EML1: variants seen among roughly 807,000 people sequenced by gnomAD.
EML1 encodes echinoderm microtubule-associated protein-like 1.
In EML1, 27 loss-of-function variants were observed where a neutral mutation model predicts 110.4. That is an observed-to-expected ratio of 0.24 (90% CI 0.18 to 0.34). The LOEUF (loss-of-function observed/expected upper bound fraction) is 0.34. EML1 is among the 10% of genes least tolerant of loss of function. EML1 has a pLI of 1.00. For synonymous variants in EML1, 344 were observed against 385.8 expected, an observed-to-expected ratio of 0.89 and a Z score of 1.27; for missense variants, 741 against 1,030.9, an observed-to-expected ratio of 0.72 and a Z score of 3.85.
chr14:99,887,738 C>T (rs2059506029), intron 4 of EML1, among the ~76,000 whole-genome samples: 1 of 152,162 alleles, frequency 6.6e-6, no homozygotes, highest in South Asian at 2.1e-4. Context: ...TCTGAAGGAC[C>T]CACTCTCAAT....
At chr14:99,880,604 C>T (rs983264229) in intron 4 of EML1, among the ~76,000 whole-genome samples, 2 of 152,172 alleles carry the variant, frequency 1.3e-5, no homozygotes, top group South Asian at 2.1e-4. Context: ...TCGTCCCCAT[C>T]GCTCACTCGA....
chr14:99,807,519 C>T lies in EML1; in HGVS notation c.67+13976C>T, dbSNP rs182117773. Among the ~76,000 whole-genome samples, 371 of 152,218 alleles carry T rather than the reference C, an allele frequency of 2.4e-3. 4 individuals carry two copies. The highest frequency in any genetic ancestry group is 0.018 in the Admixed American group (268 of 15,300). On this transcript the variant is annotated intron_variant, in intron 1 of 21. Coordinates refer to ENST00000262233, the MANE Select transcript of EML1 (RefSeq NM_004434.3). ...GCTGGGGTAGTGGCCAGGACTGGTA[C>T]AGCAGGCACAGTCCCACCCTAGGCC...
At chr14:99,870,931 T>A (rs1328082120) in intron 3 of EML1, among the ~76,000 whole-genome samples, 1 of 152,196 alleles carries the variant, frequency 6.6e-6, no homozygotes, top group Non-Finnish European at 1.5e-5. Context: ...AGGAGTAATT[T>A]CAACTGTCAA....
At chr14:99,796,490 CTTT>C (rs60618425) in intron 1 of EML1, among the ~76,000 whole-genome samples, 4 of 136,900 alleles carry the variant, frequency 2.9e-5, no homozygotes, top group South Asian at 4.7e-4. Flanking sequence ...AAATCACAAG[CTTT>C]TTTTTTTTTT....
At chr14:99,763,193 C>T (rs2057332842) in intron 1 of EML1, among the ~76,000 whole-genome samples, 1 of 152,214 alleles carries the variant, frequency 6.6e-6, no homozygotes. Context: ...GAGGCCTCCC[C>T]AGCCACATGG....
At chr14:99,893,360 G>A (rs1322253746) in intron 5 of EML1, among the ~76,000 whole-genome samples, 1 of 152,148 alleles carries the variant, frequency 6.6e-6, no homozygotes, top group African/African-American at 2.4e-5. Flanking sequence ...GTGCACCTGG[G>A]GAAGTTGGCA....
intron 2 of EML1, among the ~76,000 whole-genome samples, chr14:99,855,425 G>A (rs529340268): frequency 6.6e-6 from 1 of 152,264 alleles, no homozygotes; most frequent in African/African-American, 2.4e-5. Flanking sequence ...GGAGGCCAGG[G>A]GTTTACTCAC....
intron 1 of EML1, among the ~76,000 whole-genome samples, chr14:99,844,475 TCAAAAAAAAAAAAAAAAAA>T (rs1483399065): frequency 6.8e-5 from 5 of 73,282 alleles, no homozygotes; most frequent in Non-Finnish European, 1.2e-4. Context: ...TGAGACTTTG[TCAAAAAAAAAAAAAAAAAA>T]TTGGCAAAAC....
chr14:99,770,438 C>T (rs575621758), upstream of EML1, among the ~76,000 whole-genome samples: 10 of 148,006 alleles, frequency 6.8e-5, no homozygotes, highest in Non-Finnish European at 1.4e-4. Context: ...GAAGAGAGAT[C>T]ATGTCTTTTT....
intron 4 of EML1, among the ~76,000 whole-genome samples, 154 bp from the exon 5 acceptor site, chr14:99,891,045 T>C (rs2059578874): frequency 6.6e-6 from 1 of 152,256 alleles, no homozygotes. Flanking sequence ...TGTTCCTTTT[T>C]GCAGTGAAAT....
intron 15 of EML1, among the ~76,000 whole-genome samples, chr14:99,915,678 G>A (rs539414683): frequency 6.6e-6 from 1 of 152,194 alleles, no homozygotes; most frequent in Non-Finnish European, 1.5e-5. Context: ...CTAAGTTAGT[G>A]AGTGACCTAG....
intron 1 of EML1, among the ~76,000 whole-genome samples, chr14:99,744,471 A>T (rs1194731363): frequency 6.6e-6 from 1 of 152,202 alleles, no homozygotes; most frequent in Non-Finnish European, 1.5e-5. Context: ...GCCAGAGGAC[A>T]GAGTGTGTCT....
chr14:99,781,498 A>G lies in EML1; in HGVS notation c.-27+7485A>G, dbSNP rs1242822786. Among the ~76,000 whole-genome samples, 3 of 151,826 alleles carry G rather than the reference A, an allele frequency of 2.0e-5. No individual in the cohort carries two copies. Among genetic ancestry groups the G allele is most frequent in the African/African-American group, 7.3e-5 (3 of 41,264 alleles). On this transcript the variant is annotated intron_variant, in intron 1 of 22. Transcript: ENST00000327921. The surrounding 1 kb of genome is among the most constrained non-coding windows in gnomAD (Gnocchi z 4.2). ...GTCTGGCGGGCCAGTTCCCCACCCC[A>G]CAGCTGGGAGGATGGCTGCCAGCCC... is the stretch of plus-strand genomic sequence containing the variant.
intron 12 of EML1, among the ~76,000 whole-genome samples, chr14:99,910,570 C>T (rs2059930196): frequency 6.6e-6 from 1 of 152,172 alleles, no homozygotes; most frequent in Non-Finnish European, 1.5e-5. Context: ...TTCTGAAAGG[C>T]TCTTTAAGCC....
upstream of EML1, among the ~76,000 whole-genome samples, chr14:99,791,051 G>A (rs1479641736): frequency 6.6e-6 from 1 of 151,912 alleles, no homozygotes; most frequent in African/African-American, 2.4e-5. Context: ...TGGTAGAGAC[G>A]GGGTTTCCCA....
At chr14:99,799,634 A>G (rs1443644004) in intron 1 of EML1, among the ~76,000 whole-genome samples, 1 of 152,228 alleles carries the variant, frequency 6.6e-6, no homozygotes. Flanking sequence ...TAGCCAAACC[A>G]CAACCATTTA....
chr14:99,748,613 G>C (rs980450953), intron 1 of EML1, among the ~76,000 whole-genome samples: 1 of 151,940 alleles, frequency 6.6e-6, no homozygotes, highest in Admixed American at 6.6e-5. Context: ...AGTCATGATC[G>C]CTCCACTGCA....
At chr14:99,895,448 A>G (rs2059656377) in intron 6 of EML1, among the ~76,000 whole-genome samples, 2 of 152,210 alleles carry the variant, frequency 1.3e-5, no homozygotes, top group Non-Finnish European at 2.9e-5. Flanking sequence ...GGCACTCTCT[A>G]TATTTATAAG....
intron 1 of EML1, among the ~76,000 whole-genome samples, chr14:99,816,927 A>G (rs1299540744): frequency 6.6e-6 from 1 of 152,184 alleles, no homozygotes; most frequent in East Asian, 1.9e-4. Flanking sequence ...TGATTCCTTG[A>G]GAACATTGAT....
Sources: allele counts gnomAD v4.1 joint callset (sites outside exome capture counted in the v4.1 genomes callset), GRCh38; gene constraint gnomAD v4.1.1; non-coding constraint Gnocchi (gnomAD v3.1); transcripts MANE v1.5; gene names NCBI Gene and HGNC (gene_info 2026-07-23, HGNC 2026-07-21).